ELAVL2: variants seen among roughly 807,000 people sequenced by gnomAD.
The protein encoded by ELAVL2 is ELAV-like protein 2.
Under a neutral mutation model 34.6 loss-of-function variants are expected in ELAVL2, and 4 were observed. The ratio of observed to expected loss-of-function variants is 0.12; its 90% CI spans 0.06 to 0.26. The LOEUF (loss-of-function observed/expected upper bound fraction) is 0.26, where lower values mean the gene tolerates loss of function less well. ELAVL2 is among the 10% of genes least tolerant of loss of function. The pLI is 1.00. For missense variants in ELAVL2, 432 were observed against 442.8 expected, an observed-to-expected ratio of 0.98 and a Z score of 0.22; for synonymous variants, 193 against 154.8, an observed-to-expected ratio of 1.25 and a Z score of -1.83.
chr9:23,698,002 A>C (rs2035858732), intron 5 of ELAVL2, among the ~76,000 whole-genome samples: 1 of 152,114 alleles, frequency 6.6e-6, no homozygotes, highest in Non-Finnish European at 1.5e-5. Flanking sequence ...AAAAGTATTC[A>C]AGGGGATTGA....
At chr9:23,725,668 T>C (rs770169542) in intron 3 of ELAVL2, among the ~76,000 whole-genome samples, 4 of 151,770 alleles carry the variant, frequency 2.6e-5, no homozygotes, top group African/African-American at 7.3e-5. Flanking sequence ...CAAAAGGAGG[T>C]TGAACTAGAA....
At chr9:23,728,029 T>C (rs1031875180) in intron 3 of ELAVL2, among the ~76,000 whole-genome samples, 2 of 152,084 alleles carry the variant, frequency 1.3e-5, no homozygotes, top group African/African-American at 4.8e-5. Flanking sequence ...CACAGTGTCC[T>C]GGCAAGAGTT....
At chr9:23,806,003 G>C (rs149729938) in intron 1 of ELAVL2, among the ~76,000 whole-genome samples, 2 of 151,924 alleles carry the variant, frequency 1.3e-5, no homozygotes, top group African/African-American at 2.4e-5. Flanking sequence ...TCACCAACTA[G>C]ACTGCAAACA....
At chr9:23,745,794 T>G (rs2050341169) in intron 2 of ELAVL2, among the ~76,000 whole-genome samples, 1 of 152,150 alleles carries the variant, frequency 6.6e-6, no homozygotes, top group Non-Finnish European at 1.5e-5. Context: ...CAAATCTGTT[T>G]TACCACAAGA....
intron 1 of ELAVL2, among the ~76,000 whole-genome samples, chr9:23,817,274 A>G: frequency 6.6e-6 from 1 of 152,144 alleles, no homozygotes; most frequent in East Asian, 1.9e-4. Flanking sequence ...AAGGCATTCT[A>G]TAAACTGGTT....
At chr9:23,766,436 G>C (rs1399667809) in intron 1 of ELAVL2, among the ~76,000 whole-genome samples, 1 of 152,094 alleles carries the variant, frequency 6.6e-6, no homozygotes, top group African/African-American at 2.4e-5. Context: ...AGGCATAAAT[G>C]TATGTCCTGA....
chr9:23,702,975 A>AAC, intron 4 of ELAVL2, among the ~76,000 whole-genome samples: 1 of 140,312 alleles, frequency 7.1e-6, no homozygotes, highest in Non-Finnish European at 1.6e-5. Flanking sequence ...AAAAAAAAAA[A>AAC]AAAAAACAGC....
intron 3 of ELAVL2, among the ~76,000 whole-genome samples, chr9:23,726,108 A>T (rs1436860951): frequency 6.6e-6 from 1 of 152,102 alleles, no homozygotes; most frequent in Admixed American, 6.6e-5. Flanking sequence ...ACATTTACTA[A>T]TGAGGAAAGG....
At chr9:23,700,141 AT>A (rs1386040566) in intron 5 of ELAVL2, among the ~76,000 whole-genome samples, 1 of 152,180 alleles carries the variant, frequency 6.6e-6, no homozygotes, top group Non-Finnish European at 1.5e-5. Context: ...ATTAGGTTAT[AT>A]TTGTGATTAT....
intron 1 of ELAVL2, among the ~76,000 whole-genome samples, chr9:23,785,001 G>C (rs1280069320): frequency 6.6e-6 from 1 of 152,178 alleles, no homozygotes; most frequent in Admixed American, 6.5e-5. Flanking sequence ...GAAGTTACGT[G>C]CATCCTACTT....
At chr9:23,760,369 T>C (rs563972565) in intron 2 of ELAVL2, among the ~76,000 whole-genome samples, 23 of 152,146 alleles carry the variant, frequency 1.5e-4, no homozygotes, top group African/African-American at 5.3e-4. Context: ...GGAGCTCTAC[T>C]AAGCAATCAG....
At chr9:23,799,306 T>C (rs562675325) in intron 1 of ELAVL2, among the ~76,000 whole-genome samples, 5 of 152,302 alleles carry the variant, frequency 3.3e-5, no homozygotes, top group African/African-American at 1.2e-4. Flanking sequence ...GTCAGATCTT[T>C]AGAGGAGAAA....
rs1337577417 is a variant in ELAVL2 at position 23,692,671 on chromosome 9, C to G, written c.966G>C (p.Val322=). Residue 322 remains valine, a synonymous_variant, in exon 7 of 7, where the codon GTG becomes GTC. Transcript: ENST00000397312. ...CAGCCTCATCATAGTTTGTCATAGT[C>G]ACAAATCCAAAACCTTTGCATTTAT... ...NTNKCKGFGF[V]TMTNYDEAAM... The G allele has an allele frequency of 6.2e-7, 1 of 1,614,064 alleles. No individual in the cohort carries two copies. Among genetic ancestry groups the G allele is most frequent in the African/African-American group, 1.3e-5 (1 of 74,942 alleles).
intron 5 of ELAVL2, among the ~76,000 whole-genome samples, chr9:23,700,140 T>C (rs1587296103): frequency 6.6e-6 from 1 of 152,230 alleles, no homozygotes; most frequent in South Asian, 2.1e-4. Context: ...TATTAGGTTA[T>C]ATTTGTGATT....
intron 1 of ELAVL2, among the ~76,000 whole-genome samples, chr9:23,788,574 T>A (rs2059973663): frequency 6.6e-6 from 1 of 152,202 alleles, no homozygotes; most frequent in Non-Finnish European, 1.5e-5. Context: ...AAAAGTTATG[T>A]ATATGTGATC....
rs190291274 is a variant in ELAVL2, at chr9:23,699,463, A to G, written c.713+1916T>C. Among the ~76,000 whole-genome samples, 156 of 152,344 alleles carry G rather than the reference A, an allele frequency of 1.0e-3. No individual in the cohort carries two copies. The Middle Eastern group carries it at 0.014, about 13-fold the overall frequency. On this transcript the variant is annotated intron_variant, in intron 5 of 6. Coordinates refer to ENST00000397312, the MANE Select transcript of ELAVL2 (RefSeq NM_004432.5). ...GCTTTCCACTAACAGCAAACATTTT[A>G]TAACTTCACAATGTTAAAAATCAAC... is the stretch of plus-strand genomic sequence containing the variant.
At chr9:23,764,997 A>T in intron 1 of ELAVL2, 1 of 1,608,506 alleles carries the variant, frequency 6.2e-7, no homozygotes, top group South Asian at 1.1e-5. Context: ...ATTTAAGAAA[A>T]ATCCCACAGA....
chr9:23,800,986 T>C (rs1356783577), intron 1 of ELAVL2, among the ~76,000 whole-genome samples: 1 of 152,150 alleles, frequency 6.6e-6, no homozygotes, highest in Non-Finnish European at 1.5e-5. Flanking sequence ...ACACATTTTA[T>C]ACCAATAAAC....
chr9:23,837,018 A>G, the ELAVL2 span, among the ~76,000 whole-genome samples: 5 of 152,228 alleles, frequency 3.3e-5, no homozygotes, highest in South Asian at 6.2e-4. Flanking sequence ...ATGAGGAGGC[A>G]GGGTCAGACT....
Sources: gnomAD v4.1 joint callset for allele counts (sites outside exome capture counted in the v4.1 genomes callset) on GRCh38, gnomAD v4.1.1 for gene constraint, MANE v1.5 for transcripts, NCBI Gene and HGNC (gene_info 2026-07-23, HGNC 2026-07-21) for gene names.